MPDZ: variants seen among roughly 807,000 people sequenced by gnomAD.
The protein encoded by MPDZ is multiple PDZ domain protein.
MPDZ carries 234 observed loss-of-function variants against 239.1 expected under a neutral mutation model. That is an observed-to-expected ratio of 0.98 (90% CI 0.88 to 1.09). The LOEUF (loss-of-function observed/expected upper bound fraction) is 1.09. Ranked by LOEUF, MPDZ falls within the 50% of genes least tolerant of loss-of-function variation. The pLI, the probability that MPDZ is intolerant of heterozygous loss-of-function variation, is 0.00. For synonymous variants in MPDZ, 1,048 were observed against 881.3 expected (o/e 1.19, Z -3.35); for missense variants, 3,175 against 2,510.0 (o/e 1.26, Z -5.66).
chr9:13,107,103 G>A lies in MPDZ; in HGVS notation c.6075C>T (p.Ala2025=), dbSNP rs1586828923. The change falls in exon 47 of 47, where the codon GCC becomes GCT. Residue 2025 remains alanine, a synonymous_variant. Transcript: ENST00000319217. ...CCCTTTTCAGACGTCCGTCTTCAGA[G>A]GCTGCTCCCTGCAAATTATAAAGTA... The part of the protein sequence containing the change: ...YVKTVFAKGA[A]SEDGRLKRGD... 5 of 1,568,520 alleles carry A rather than the reference G, an allele frequency of 3.2e-6. No individual in the cohort carries two copies. The highest frequency in any genetic ancestry group is 4.4e-6 in the Non-Finnish European group (5 of 1,146,570).
intron 13 of MPDZ, among the ~76,000 whole-genome samples, chr9:13,194,305 A>T (rs552994225): frequency 2.6e-5 from 4 of 152,220 alleles, no homozygotes; most frequent in African/African-American, 9.6e-5. Context: ...CACAAAGGGC[A>T]GTTAAAAGTT....
intron 5 of MPDZ, 34 bp from the exon 6 acceptor site, chr9:13,222,480 CTG>C: frequency 6.5e-7 from 1 of 1,527,480 alleles, no homozygotes; most frequent in Non-Finnish European, 9.1e-7. Flanking sequence ...AAAAGACAAT[CTG>C]AGAGTTCTCA....
intron 26 of MPDZ, 61 bp from the exon 27 acceptor site, chr9:13,143,625 T>C: frequency 1.5e-6 from 2 of 1,360,914 alleles, no homozygotes; most frequent in Non-Finnish European, 2.1e-6. Flanking sequence ...AACTCAGTTT[T>C]AAAAGCAAAG....
rs114253862 is a variant in MPDZ at position 13,190,915 on chromosome 9, T to C, written c.1969-616A>G. Among the ~76,000 whole-genome samples, 1,076 of 152,266 alleles carry C rather than the reference T, an allele frequency of 7.1e-3. 13 individuals are homozygous for C. The highest frequency in any genetic ancestry group is 0.025 in the African/African-American group (1,034 of 41,576). ...GAGTTACCCATCTCATAGAATTTTC[T>C]GAGGACTAAATGAAGTAACATATAT... On this transcript the variant is annotated intron_variant, in intron 15 of 46. Coordinates refer to ENST00000319217, the MANE Select transcript of MPDZ (RefSeq NM_001378778.1).
At chr9:13,139,781 C>A (rs1947364198) in intron 28 of MPDZ, 2 of 602,690 alleles carry the variant, frequency 3.3e-6, no homozygotes, top group African/African-American at 3.7e-5. Context: ...TTTAACAGCA[C>A]TTTTAAAGGA....
chr9:13,246,378 G>A (rs1200955715), intron 3 of MPDZ, among the ~76,000 whole-genome samples: 3 of 152,138 alleles, frequency 2.0e-5, no homozygotes, highest in Non-Finnish European at 2.9e-5. Flanking sequence ...GGAGATAGAG[G>A]CTGCAGTGAG....
chr9:13,267,910 C>CA (rs2139101570), intron 1 of MPDZ, among the ~76,000 whole-genome samples: 1 of 152,204 alleles, frequency 6.6e-6, no homozygotes, highest in East Asian at 1.9e-4. Context: ...AATCTGATCT[C>CA]AAAGGAAGAA....
Position 13,121,800 on chromosome 9 carries a change from G to C in MPDZ, c.5170C>G (p.Leu1724Val), listed in dbSNP as rs2131608583. The part of the protein sequence containing the change: ...PYKEEEVCDT[L>V]TIELQKKPGK... ...GGCTTCTTCTGCAGCTCAATAGTGA[G>C]GGTGTCACACACTTCCTCCTCTTTG... Residue 1724 changes from leucine (L) to valine (V), a missense_variant, in exon 38 of 47, where the codon CTC (leucine) becomes GTC (valine). Transcript: ENST00000319217. 6.2e-7 allele frequency: 1 copy of C among 1,613,910 alleles called. No individual in the cohort carries two copies.
chr9:13,267,006 C>G (rs745561008), intron 1 of MPDZ, among the ~76,000 whole-genome samples: 4 of 152,170 alleles, frequency 2.6e-5, no homozygotes, highest in Admixed American at 1.3e-4. Context: ...CCAAATACTC[C>G]AAGAGGCAAA....
intron 26 of MPDZ, among the ~76,000 whole-genome samples, chr9:13,146,791 G>T (rs1948495458): frequency 6.6e-6 from 1 of 151,962 alleles, no homozygotes; most frequent in Admixed American, 6.6e-5. Flanking sequence ...TGAAAAAACA[G>T]TTTTAAACTC....
At chr9:13,167,051 A>G (rs2133850596) in intron 22 of MPDZ, among the ~76,000 whole-genome samples, 1 of 152,258 alleles carries the variant, frequency 6.6e-6, no homozygotes, top group African/African-American at 2.4e-5. Context: ...ACATCATGGC[A>G]CAACAAATCA....
At chr9:13,216,920 A>G (rs1958424355) in intron 9 of MPDZ, 58 bp from the exon 10 acceptor site, 1 of 1,306,766 alleles carries the variant, frequency 7.7e-7, no homozygotes, top group Non-Finnish European at 1.1e-6. Context: ...AAGAATATCC[A>G]TCTTCGATTC....
At chr9:13,124,286 T>G (rs1183382956) in intron 35 of MPDZ, among the ~76,000 whole-genome samples, 24 of 152,230 alleles carry the variant, frequency 1.6e-4, no homozygotes, top group Non-Finnish European at 4.4e-5. Flanking sequence ...ATAAAATCTT[T>G]TAACACTTCA....
intron 40 of MPDZ, 29 bp from the exon 41 acceptor site, chr9:13,114,050 G>A (rs765404757): frequency 1.3e-6 from 2 of 1,524,042 alleles, no homozygotes; most frequent in South Asian, 1.2e-5. Flanking sequence ...TATTTCAGAA[G>A]GTTTTGCAAG....
chr9:13,193,253 C>T lies in MPDZ; in HGVS notation c.1717G>A (p.Val573Met). ...SGLGISLEAT[V>M]GHHFIRSVLP... ...ACAGATCGGATAAAATGATGTCCCA[C>T]TGTCGCTTCCAGGCTTATCCCCAAT... The change falls in exon 14 of 47, where the codon GTG becomes ATG. Residue 573 changes from valine (V) to methionine (M), a missense_variant. Physicochemically the swap from Val to Met is conservative, Grantham distance 21. Transcript: ENST00000319217. 5 of 1,612,666 alleles carry T rather than the reference C, an allele frequency of 3.1e-6. No individual in the cohort carries two copies. In the Middle Eastern group the frequency reaches 5.0e-4, roughly 160 times the overall value.
intron 24 of MPDZ, among the ~76,000 whole-genome samples, chr9:13,152,316 C>T (rs1353885247): frequency 1.3e-5 from 2 of 152,110 alleles, no homozygotes; most frequent in African/African-American, 2.4e-5. Context: ...TGTGTCCTCA[C>T]CCAAATCTCA....
chr9:13,249,552 T>A (rs1041327684), intron 2 of MPDZ, among the ~76,000 whole-genome samples: 1 of 152,134 alleles, frequency 6.6e-6, no homozygotes, highest in Non-Finnish European at 1.5e-5. Flanking sequence ...TGACTGTCAC[T>A]CTATCCCTCA....
Position 13,122,088 on chromosome 9 carries a change from T to C in MPDZ, c.5036A>G (p.Glu1679Gly). Residue 1679 changes from glutamate to glycine, a missense_variant and splice_region_variant, in exon 37 of 47, where the codon GAG becomes GGG. By Grantham distance (98) the Glu-to-Gly change is moderately conservative. Coordinates refer to ENST00000319217, the MANE Select transcript of MPDZ (RefSeq NM_001378778.1). ...AGGTCAAAAACAGGCATTCTATACC[T>C]CTAAGATCTGATCTCCAGCCCAGAG... ...GRLWAGDQIL[E>G]VNGIDLRKAT... The C allele has an allele frequency of 1.2e-6, 2 of 1,613,904 alleles. No individual in the cohort carries two copies. The highest frequency in any genetic ancestry group is 1.6e-4 in the Middle Eastern group (1 of 6,062).
At chr9:13,190,979 T>C (rs1954838658) in intron 15 of MPDZ, among the ~76,000 whole-genome samples, 1 of 152,126 alleles carries the variant, frequency 6.6e-6, no homozygotes, top group African/African-American at 2.4e-5. Context: ...AATACTAGGT[T>C]AATATAGGTT....
Sources: allele counts gnomAD v4.1 joint callset (sites outside exome capture counted in the v4.1 genomes callset), GRCh38; gene constraint gnomAD v4.1.1; transcripts MANE v1.5; gene names NCBI Gene and HGNC (gene_info 2026-07-23, HGNC 2026-07-21).